The following CNTNAP4 variants were observed in gnomAD, a reference collection of about 807,000 sequenced individuals.
CNTNAP4 encodes the protein contactin-associated protein-like 4.
CNTNAP4 carries 98 observed loss-of-function variants against 148.4 expected under a neutral mutation model. The observed-to-expected ratio is 0.66, with a 90% CI of 0.56 to 0.78. The LOEUF is 0.78. Among genes scored for constraint, CNTNAP4 ranks in the 30% least tolerant of loss-of-function variants. The pLI is 0.00. For synonymous variants in CNTNAP4, 730 were observed against 565.1 expected, an observed-to-expected ratio of 1.29 and a Z score of -4.14; for missense variants, 1,935 against 1,565.6, an observed-to-expected ratio of 1.24 and a Z score of -3.98.
chr16:76,513,023 A>C (rs1350508591), intron 15 of CNTNAP4, among the ~76,000 whole-genome samples: 1 of 152,152 alleles, frequency 6.6e-6, no homozygotes, highest in Admixed American at 6.5e-5. Context: ...GGAGGAAAAA[A>C]TGTGGGAAAA....
chr16:76,405,533 C>G (rs1340046449), intron 3 of CNTNAP4, among the ~76,000 whole-genome samples: 1 of 151,972 alleles, frequency 6.6e-6, no homozygotes, highest in East Asian at 1.9e-4. Context: ...ATTCTTACAA[C>G]AAAGCAAGCT....
intron 3 of CNTNAP4, among the ~76,000 whole-genome samples, chr16:76,383,506 A>G (rs1409095094): frequency 6.6e-6 from 1 of 152,192 alleles, no homozygotes; most frequent in Non-Finnish European, 1.5e-5. Context: ...GATTGAAAGA[A>G]AAAGGAAGAG....
At chr16:76,340,227 G>A (rs1187396115) in intron 2 of CNTNAP4, among the ~76,000 whole-genome samples, 1 of 152,044 alleles carries the variant, frequency 6.6e-6, no homozygotes, top group Non-Finnish European at 1.5e-5. Flanking sequence ...AGATCTCTAG[G>A]AAGGGAAGGC....
chr16:76,310,376 T>G (rs1960971189), intron 1 of CNTNAP4, among the ~76,000 whole-genome samples: 1 of 152,186 alleles, frequency 6.6e-6, no homozygotes. Context: ...TTCCATACTT[T>G]CTTAAATATG....
At chr16:76,382,996 A>T (rs1352069522) in intron 3 of CNTNAP4, among the ~76,000 whole-genome samples, 1 of 152,200 alleles carries the variant, frequency 6.6e-6, no homozygotes, top group Non-Finnish European at 1.5e-5. Flanking sequence ...GTTAAACATT[A>T]ATGAATGCCT....
chr16:76,356,019 C>T (rs1001113225), intron 3 of CNTNAP4, among the ~76,000 whole-genome samples: 3 of 151,948 alleles, frequency 2.0e-5, no homozygotes, highest in Non-Finnish European at 2.9e-5. Context: ...GGATTATAGT[C>T]GCCCACAACC....
At chr16:76,544,761 CA>C (rs751874581) in intron 21 of CNTNAP4, among the ~76,000 whole-genome samples, 17 of 152,182 alleles carry the variant, frequency 1.1e-4, no homozygotes, top group Admixed American at 2.6e-4. Context: ...CACTCTTTCT[CA>C]GCATATAGCT....
chr16:76,522,175 A>G lies in CNTNAP4; in HGVS notation c.2673A>G (p.Gln891=), dbSNP rs2083481560. 6.2e-7 allele frequency: 1 copy of G among 1,613,868 alleles called. No individual in the cohort carries two copies. The highest frequency in any genetic ancestry group is 1.7e-5 in the Admixed American group (1 of 59,984). The part of the protein sequence containing the change: ...VERNMKEASL[Q]VDQLTPKTQP... ...GGAACATGAAGGAGGCCTCCCTTCAAGTGGATCAGCTGACACCAAAGACAC... is the reference window on the plus strand; with the variant it reads ...GGAACATGAAGGAGGCCTCCCTTCAGGTGGATCAGCTGACACCAAAGACAC... The change falls in exon 17 of 24, where the codon CAA becomes CAG. Residue 891 remains glutamine, a synonymous_variant. Coordinates refer to ENST00000611870, the MANE Select transcript of CNTNAP4 (RefSeq NM_033401.5).
chr16:76,467,308 C>G lies in CNTNAP4; in HGVS notation c.1484-44C>G, dbSNP rs1012653189. ...ATGAAGTTATCTATGATCCTGAATT[C>G]TGATTCATTGTGATGCGTACTGGAT... On this transcript the variant is annotated intron_variant, in intron 9 of 23. Coordinates refer to ENST00000611870, the MANE Select transcript of CNTNAP4 (RefSeq NM_033401.5). 7 of 1,554,160 alleles carry G rather than the reference C, an allele frequency of 4.5e-6. No individual in the cohort carries two copies. In the Admixed American group the frequency reaches 8.6e-5, roughly 19 times the overall value.
chr16:76,551,998 A>G (rs2084970007), intron 21 of CNTNAP4, among the ~76,000 whole-genome samples: 1 of 152,204 alleles, frequency 6.6e-6, no homozygotes, highest in Non-Finnish European at 1.5e-5. Context: ...TTATAAAGGA[A>G]AGAGGTGTAA....
chr16:76,467,875 A>G (rs1292851288), intron 10 of CNTNAP4, among the ~76,000 whole-genome samples: 1 of 152,246 alleles, frequency 6.6e-6, no homozygotes, highest in Non-Finnish European at 1.5e-5. Context: ...AAAATTGATC[A>G]TCAGGTACCA....
chr16:76,295,602 G>C (rs1959220304), intron 1 of CNTNAP4, among the ~76,000 whole-genome samples: 1 of 151,990 alleles, frequency 6.6e-6, no homozygotes, highest in Admixed American at 6.6e-5. Flanking sequence ...CAGTGACAAT[G>C]CTAATAAAGA....
Position 76,411,756 on chromosome 16 carries a change from C to G in CNTNAP4, c.391-15696C>G, listed in dbSNP as rs567745057. 2.6e-5 allele frequency among the ~76,000 whole-genome samples: 4 copies of G among 151,346 alleles called. No homozygotes were observed. The South Asian group carries it at 8.3e-4, about 31-fold the overall frequency. ...CTTTGCTGAACTATTTTTTAAAGTG[C>G]CAAGGACCTATTTCTTTTTCATAGT... On this transcript the variant is annotated intron_variant, in intron 3 of 23. Coordinates refer to ENST00000611870, the MANE Select transcript of CNTNAP4 (RefSeq NM_033401.5).
intron 1 of CNTNAP4, among the ~76,000 whole-genome samples, chr16:76,281,417 C>T (rs970983607): frequency 6.6e-6 from 1 of 152,056 alleles, no homozygotes; most frequent in African/African-American, 2.4e-5. Context: ...TTCTCCACTT[C>T]TTATTACATG....
chr16:76,382,124 G>T (rs547509837), intron 3 of CNTNAP4, among the ~76,000 whole-genome samples: 1 of 149,348 alleles, frequency 6.7e-6, no homozygotes, highest in East Asian at 2.0e-4. Flanking sequence ...ATAGGGGAGG[G>T]ATAGAACAGA....
chr16:76,470,848 ACACACATGCACCAATGTGGCCTTTG>A (rs1203490407), intron 10 of CNTNAP4, among the ~76,000 whole-genome samples: 8 of 152,108 alleles, frequency 5.3e-5, no homozygotes, highest in African/African-American at 1.7e-4. Flanking sequence ...CACACACTCT[ACACACATGCACCAATGTGGCCTTTG>A]CACACTGTTT....
chr16:76,298,173 G>A (rs1483965537), intron 1 of CNTNAP4, among the ~76,000 whole-genome samples: 1 of 152,052 alleles, frequency 6.6e-6, no homozygotes, highest in Admixed American at 6.6e-5. Flanking sequence ...TCTTATACAG[G>A]GTGCCATAAA....
At chr16:76,300,759 A>T (rs886219613) in intron 1 of CNTNAP4, among the ~76,000 whole-genome samples, 1 of 152,196 alleles carries the variant, frequency 6.6e-6, no homozygotes, top group Non-Finnish European at 1.5e-5. Context: ...AGAGGGCTCC[A>T]GTCAAAACAT....
At chr16:76,306,850 G>C (rs1358655101) in intron 1 of CNTNAP4, among the ~76,000 whole-genome samples, 2 of 152,188 alleles carry the variant, frequency 1.3e-5, no homozygotes, top group Non-Finnish European at 2.9e-5. Flanking sequence ...TGAAGTTCTT[G>C]CAGTTCTGTT....
Sources: gnomAD v4.1 joint callset for allele counts (sites outside exome capture counted in the v4.1 genomes callset) on GRCh38, gnomAD v4.1.1 for gene constraint, MANE v1.5 for transcripts, NCBI Gene and HGNC (gene_info 2026-07-23, HGNC 2026-07-21) for gene names.